Variants in GUCY1B1 observed in about 807,000 individuals in gnomAD.
GUCY1B1 encodes guanylate cyclase soluble subunit beta-1.
In GUCY1B1, 43 loss-of-function variants were observed where a neutral mutation model predicts 71.0. The ratio of observed to expected loss-of-function variants is 0.61; its 90% CI spans 0.47 to 0.78. The LOEUF (loss-of-function observed/expected upper bound fraction) is 0.78. Ranked by LOEUF, GUCY1B1 falls within the 30% of genes least tolerant of loss-of-function variation. The probability of loss-of-function intolerance (pLI) is 0.00; values close to 1 mark genes in which losing one functional copy is unlikely to be tolerated. For synonymous variants in GUCY1B1, 266 were observed against 259.7 expected, an observed-to-expected ratio of 1.02 and a Z score of -0.23; for missense variants, 535 against 754.1, an observed-to-expected ratio of 0.71 and a Z score of 3.40.
At chr4:155,804,568 T>A (rs761900646) in intron 11 of GUCY1B1, 25 bp from the exon 12 acceptor site, 4 of 1,581,122 alleles carry the variant, frequency 2.5e-6, no homozygotes, top group Non-Finnish European at 3.4e-6. Context: ...TCAAAATGAT[T>A]GAAGCAAAGC....
intron 4 of GUCY1B1, among the ~76,000 whole-genome samples, chr4:155,786,738 G>T (rs1025079628): frequency 3.3e-5 from 5 of 151,980 alleles, no homozygotes; most frequent in Non-Finnish European, 7.4e-5. Flanking sequence ...CTCCCAAAGT[G>T]CTGGGATTAC....
intron 4 of GUCY1B1, among the ~76,000 whole-genome samples, chr4:155,785,619 A>G (rs1180842104): frequency 6.6e-6 from 1 of 152,166 alleles, no homozygotes; most frequent in East Asian, 1.9e-4. Flanking sequence ...TGTAGCCTGT[A>G]TATGAGGATG....
At chr4:155,783,961 C>A (rs147915184) in intron 4 of GUCY1B1, among the ~76,000 whole-genome samples, 1 of 151,972 alleles carries the variant, frequency 6.6e-6, no homozygotes, top group East Asian at 1.9e-4. Context: ...AATTGTAAGG[C>A]TTTTCAGTTT....
At chr4:155,794,426 T>C (rs1240840762) in intron 6 of GUCY1B1, among the ~76,000 whole-genome samples, 1 of 152,184 alleles carries the variant, frequency 6.6e-6, no homozygotes, top group Non-Finnish European at 1.5e-5. Context: ...ATTGGATATC[T>C]ACCATCTGTA....
In GUCY1B1 at chr4:155,804,983, A is replaced by G. The variant is rs1442105305; in HGVS notation, c.1710-120A>G. 9 of 874,302 alleles carry G rather than the reference A, an allele frequency of 1.0e-5. No homozygotes were observed. The African/African-American group carries it at 1.5e-4, about 15-fold the overall frequency. The allele number at this position is 874,302 out of a possible 1,614,324, so 54.2% of individuals were successfully genotyped here. On this transcript the variant is annotated intron_variant, in intron 12 of 13. Coordinates refer to ENST00000264424, the MANE Select transcript of GUCY1B1 (RefSeq NM_000857.5). Reference sequence around the variant, plus strand: ...ATCATTGTTTCTAAAGCTTTGAGTTACCTTTCAGTACAACTTCAGCATTTG... The same window carrying G: ...ATCATTGTTTCTAAAGCTTTGAGTTGCCTTTCAGTACAACTTCAGCATTTG...
At chr4:155,804,567 T>A (rs1484151626) in intron 11 of GUCY1B1, 26 bp from the exon 12 acceptor site, 1 of 1,580,892 alleles carries the variant, frequency 6.3e-7, no homozygotes, top group East Asian at 2.2e-5. Flanking sequence ...ATCAAAATGA[T>A]TGAAGCAAAG....
chr4:155,761,427 T>C (rs1478791207), intron 2 of GUCY1B1, among the ~76,000 whole-genome samples: 1 of 152,200 alleles, frequency 6.6e-6, no homozygotes, highest in African/African-American at 2.4e-5. Context: ...AGATATGCTA[T>C]GACAATGAAT....
At chr4:155,770,347 T>C (rs1171795058) in intron 2 of GUCY1B1, among the ~76,000 whole-genome samples, 2 of 152,158 alleles carry the variant, frequency 1.3e-5, no homozygotes, top group Non-Finnish European at 2.9e-5. Context: ...TGCAGAGTGC[T>C]GGGAAATGGT....
chr4:155,800,071 A>G lies in GUCY1B1; in HGVS notation c.1172A>G (p.Asp391Gly). The G allele has an allele frequency of 1.2e-6, 2 of 1,604,088 alleles. No homozygotes were observed. The highest frequency in any genetic ancestry group is 1.7e-6 in the Non-Finnish European group (2 of 1,172,294). Reference protein sequence around the residue: ...RALEDEKKKTDTLLYSVLPPS... With the variant: ...RALEDEKKKTGTLLYSVLPPS... ...CTGGAAGATGAAAAGAAAAAGACAG[A>G]CACGTAAGAATGTAACGCTTGGAGC... Residue 391 changes from aspartate (D) to glycine (G), a missense_variant, in exon 9 of 14, where the codon GAC becomes GGC. Physicochemically the swap from Asp to Gly is moderately conservative, Grantham distance 94. Transcript: ENST00000264424.
intron 4 of GUCY1B1, among the ~76,000 whole-genome samples, chr4:155,784,166 T>C (rs1738616597): frequency 6.6e-6 from 1 of 152,146 alleles, no homozygotes; most frequent in Non-Finnish European, 1.5e-5. Flanking sequence ...TTAACGCTAT[T>C]TCCATTTAAA....
intron 8 of GUCY1B1, among the ~76,000 whole-genome samples, chr4:155,798,354 C>G (rs1739708346): frequency 6.6e-6 from 1 of 152,160 alleles, no homozygotes; most frequent in African/African-American, 2.4e-5. Flanking sequence ...TTTTGTAACT[C>G]AGTATGAGCA....
At chr4:155,801,353 T>C (rs925049974) in intron 9 of GUCY1B1, among the ~76,000 whole-genome samples, 3 of 152,248 alleles carry the variant, frequency 2.0e-5, no homozygotes, top group Admixed American at 6.5e-5. Flanking sequence ...TTGGTTTTTG[T>C]AGATATTTGG....
rs751316670 is a variant in GUCY1B1 at position 155,803,732 on chromosome 4, G to T, written c.1522G>T (p.Gly508Cys). The T allele has an allele frequency of 6.3e-7, 1 of 1,599,234 alleles. No homozygotes were observed. ...HLALDMMEIA[G>C]QVQVDGESVQ... ...GGCCTTGGACATGATGGAAATTGCT[G>T]GCCAGGTTCAAGTAGATGGTGAATC... Residue 508 changes from glycine (G) to cysteine (C), a missense_variant, in exon 11 of 14, where the codon GGC becomes TGC. Transcript: ENST00000264424.
intron 2 of GUCY1B1, among the ~76,000 whole-genome samples, chr4:155,765,803 G>A (rs878948095): frequency 2.6e-5 from 4 of 152,108 alleles, no homozygotes; most frequent in Admixed American, 2.0e-4. Context: ...AGCCTTAAAT[G>A]TGTCCGTTTA....
chr4:155,783,111 CTG>C (rs542225396), intron 4 of GUCY1B1, among the ~76,000 whole-genome samples: 11 of 152,158 alleles, frequency 7.2e-5, no homozygotes, highest in Non-Finnish European at 1.5e-4. Flanking sequence ...GACCACTACT[CTG>C]TGCATTATTT....
intron 9 of GUCY1B1, 142 bp downstream of exon 9, chr4:155,800,216 A>G: frequency 2.0e-6 from 1 of 501,936 alleles, no homozygotes; most frequent in East Asian, 3.2e-5. Context: ...CATTGCTTTT[A>G]AAAAGAAATT....
intron 2 of GUCY1B1, among the ~76,000 whole-genome samples, chr4:155,762,357 C>A (rs566384620): frequency 1.1e-4 from 17 of 152,134 alleles, no homozygotes; most frequent in African/African-American, 3.9e-4. Context: ...CAGTAAGTAC[C>A]AAACTCTTAT....
At chr4:155,792,830 T>G (rs1358707487) in intron 5 of GUCY1B1, among the ~76,000 whole-genome samples, 1 of 152,148 alleles carries the variant, frequency 6.6e-6, no homozygotes, top group East Asian at 1.9e-4. Flanking sequence ...TTTAATAATG[T>G]ATTTGCCTGT....
rs372884496 is a variant in GUCY1B1 at position 155,759,834 on chromosome 4, C to T, written c.51C>T (p.Tyr17=). The T allele has an allele frequency of 2.0e-5, 32 of 1,612,706 alleles. No homozygotes were observed. The highest frequency in any genetic ancestry group is 1.8e-5 in the Non-Finnish European group (21 of 1,179,180). The change falls in exon 2 of 14, where the codon TAC becomes TAT. Residue 17 remains tyrosine (Y), a synonymous_variant. Coordinates refer to ENST00000264424, the MANE Select transcript of GUCY1B1 (RefSeq NM_000857.5). ...HALELLVIRN[Y]GPEVWEDIKK... ...TGGAGTTGCTGGTGATCCGCAATTACGGCCCCGAGGTGTGGGAAGACATCA... is the reference window on the plus strand; with the variant it reads ...TGGAGTTGCTGGTGATCCGCAATTATGGCCCCGAGGTGTGGGAAGACATCA...
Sources: gnomAD v4.1 joint callset for allele counts (sites outside exome capture counted in the v4.1 genomes callset) on GRCh38, gnomAD v4.1.1 for gene constraint, MANE v1.5 for transcripts, NCBI Gene and HGNC (gene_info 2026-07-23, HGNC 2026-07-21) for gene names.